Variants in NLRP8 observed in about 807,000 individuals in gnomAD.
NLRP8 encodes the protein NLR family pyrin domain containing 8, also known as NACHT, LRR and PYD domains-containing protein 8.
Under a neutral mutation model 88.7 loss-of-function variants are expected in NLRP8, and 86 were observed. The observed-to-expected ratio is 0.97, with a 90% CI of 0.81 to 1.16. NLRP8 has a LOEUF of 1.16. Ranked by LOEUF, NLRP8 falls within the 50% of genes most tolerant of loss-of-function variation. The pLI is 0.00. For synonymous variants in NLRP8, 504 were observed against 494.6 expected (o/e 1.02, Z -0.25); for missense variants, 1,342 against 1,286.5 (o/e 1.04, Z -0.66).
intron 7 of NLRP8, among the ~76,000 whole-genome samples, chr19:55,974,788 G>A (rs913809842): frequency 6.6e-6 from 1 of 151,512 alleles, no homozygotes; most frequent in Admixed American, 6.6e-5. Flanking sequence ...GGGGCTCGTG[G>A]CATGAATGTG....
At chr19:55,974,661 G>A (rs1047837855) in intron 7 of NLRP8, among the ~76,000 whole-genome samples, 5 of 151,448 alleles carry the variant, frequency 3.3e-5, no homozygotes, top group Non-Finnish European at 5.9e-5. Context: ...GCATGAACCC[G>A]GGAGGCAGAG....
intron 1 of NLRP8, among the ~76,000 whole-genome samples, chr19:55,950,106 A>G (rs1168558558): frequency 6.6e-6 from 1 of 151,924 alleles, no homozygotes; most frequent in Non-Finnish European, 1.5e-5. Flanking sequence ...ATTTATGAAA[A>G]CCTGATGAAA....
chr19:55,976,972 C>T (rs1186971582), intron 8 of NLRP8, among the ~76,000 whole-genome samples: 3 of 148,400 alleles, frequency 2.0e-5, no homozygotes, highest in South Asian at 2.1e-4. Context: ...CCCAGCTAAT[C>T]GGGAGGCTGA....
rs781739797 is a variant in NLRP8 at position 55,962,047 on chromosome 19, C to T, written c.2043-20C>T. ...CCAGTTTAACGAAGAGGTGTTTTCT[C>T]TCTTCTCCCTTCCATGTAGAGCGCC... On this transcript the variant is annotated intron_variant, in intron 3 of 9. Transcript: ENST00000291971. The T allele has an allele frequency of 8.1e-6, 13 of 1,608,408 alleles. No individual in the cohort carries two copies. The highest frequency in any genetic ancestry group is 1.1e-5 in the Non-Finnish European group (13 of 1,177,620).
Position 55,948,002 on chromosome 19 carries a change from G to C in NLRP8, c.100G>C (p.Gly34Arg). 1 of 1,613,872 alleles carries C rather than the reference G, an allele frequency of 6.2e-7. No individual in the cohort carries two copies. Among genetic ancestry groups the C allele is most frequent in the Non-Finnish European group, 8.5e-7 (1 of 1,180,006 alleles). Residue 34 changes from glycine to arginine, a missense_variant, in exon 1 of 10, where the codon GGC (glycine) becomes CGC (arginine). Transcript: ENST00000291971. ...GCCCTGGACATTCTCTTGCTACCCC[G>C]GCTCCCCATGTGAAAATGGGGTCAT... is the stretch of plus-strand genomic sequence containing the variant.
Position 55,954,870 on chromosome 19 carries a change from T to G in NLRP8, c.812T>G (p.Val271Gly). 1.2e-6 allele frequency: 2 copies of G among 1,614,170 alleles called. No individual in the cohort carries two copies. The highest frequency in any genetic ancestry group is 3.3e-5 in the Admixed American group (2 of 60,014). Residue 271 changes from valine (V) to glycine (G), a missense_variant, in exon 3 of 10, where the codon GTG becomes GGG. Coordinates refer to ENST00000291971, the MANE Select transcript of NLRP8 (RefSeq NM_176811.2). ...AAGTGGCCTGGATCTCAGGACCTCG[T>G]GTCAAAGATTATGTCCAAACCCGAC...
intron 3 of NLRP8, among the ~76,000 whole-genome samples, chr19:55,956,477 C>T (rs1180056168): frequency 6.6e-6 from 1 of 152,148 alleles, no homozygotes; most frequent in Non-Finnish European, 1.5e-5. Flanking sequence ...CTCCTGACCT[C>T]AGGTCATCCG....
chr19:55,966,166 G>A (rs766536748), intron 4 of NLRP8, 47 bp from the exon 5 acceptor site: 426 of 1,577,288 alleles, frequency 2.7e-4, no homozygotes, highest in Non-Finnish European at 3.3e-4. Context: ...AGAATTCTAC[G>A]ACTGTGGACG....
Position 55,976,136 on chromosome 19 carries a change from G to T in NLRP8, c.2709G>T (p.Leu903=). The stretch of plus-strand genomic sequence containing the variant: ...TTTAACCTGTGTTTCTTTGCAGACT[G>T]AGAAAGTGTGACTTGACCTTTAATT... The change falls in exon 8 of 10, where the codon CTG becomes CTT. Residue 903 remains leucine, a synonymous_variant. Transcript: ENST00000291971. 6.3e-7 allele frequency: 1 copy of T among 1,596,578 alleles called. No homozygotes were observed.
intron 5 of NLRP8, among the ~76,000 whole-genome samples, chr19:55,969,119 A>G (rs1008148443): frequency 2.6e-5 from 4 of 152,194 alleles, no homozygotes; most frequent in African/African-American, 7.2e-5. Context: ...GTTTGTTTAT[A>G]TTCATAGGTT....
In NLRP8 at chr19:55,970,659, G is replaced by C; in HGVS notation, c.2497G>C (p.Ala833Pro). 1 of 1,614,126 alleles carries C rather than the reference G, an allele frequency of 6.2e-7. No homozygotes were observed. Residue 833 changes from alanine (A) to proline (P), a missense_variant, in exon 6 of 10, where the codon GCG becomes CCG. Coordinates refer to ENST00000291971, the MANE Select transcript of NLRP8 (RefSeq NM_176811.2). ...AAAAAACTCCCTGGAGAACTGTGGGGCGTATTACCTGTCTGTGGCCCAGCT... is the reference window on the plus strand; with the variant it reads ...AAAAAACTCCCTGGAGAACTGTGGGCCGTATTACCTGTCTGTGGCCCAGCT...
intron 9 of NLRP8, among the ~76,000 whole-genome samples, chr19:55,981,902 G>GT (rs1405885270): frequency 2.8e-4 from 6 of 21,590 alleles, no homozygotes; most frequent in African/African-American, 1.1e-3. Context: ...GGTTTCTCTT[G>GT]TTTTTTGTTT....
rs868738937 is a variant in NLRP8 at position 55,962,965 on chromosome 19, A to G, written c.2213+728A>G. Among the ~76,000 whole-genome samples the G allele has an allele frequency of 5.2e-4, 79 of 152,224 alleles. 1 individual carries two copies. The highest frequency in any genetic ancestry group is 1.8e-3 in the African/African-American group (74 of 41,536). On this transcript the variant is annotated intron_variant, in intron 4 of 9. Transcript: ENST00000291971. ...TACAGAAGCCACGTGCGACCTGAGC[A>G]CTGAGTATGGTTCACCGCTGCATTC...
intron 3 of NLRP8, among the ~76,000 whole-genome samples, chr19:55,958,304 T>C (rs1015069016): frequency 2.6e-5 from 4 of 152,224 alleles, no homozygotes; most frequent in Non-Finnish European, 5.9e-5. Flanking sequence ...TGTGTAGCGC[T>C]AATGCTCATC....
chr19:55,952,271 A>G (rs2052080595), intron 1 of NLRP8, among the ~76,000 whole-genome samples: 1 of 152,128 alleles, frequency 6.6e-6, no homozygotes, highest in African/African-American at 2.4e-5. Context: ...TTTCTCCCTC[A>G]GTGTCTGGCT....
intron 6 of NLRP8, 95 bp downstream of exon 6, chr19:55,970,791 G>A: frequency 2.6e-6 from 4 of 1,518,120 alleles, no homozygotes; most frequent in African/African-American, 2.8e-5. Flanking sequence ...TCATAGGGAA[G>A]GTACATGTAT....
chr19:55,986,200 T>C (rs1980797545), intron 9 of NLRP8, among the ~76,000 whole-genome samples: 1 of 152,094 alleles, frequency 6.6e-6, no homozygotes, highest in Admixed American at 6.6e-5. Flanking sequence ...TATACAATTA[T>C]AATTTGTCAA....
Position 55,976,321 on chromosome 19 carries a change from T to C in NLRP8, c.2876+18T>C, listed in dbSNP as rs767875568. On this transcript the variant is annotated intron_variant, in intron 8 of 9. Coordinates refer to ENST00000291971, the MANE Select transcript of NLRP8 (RefSeq NM_176811.2). ...ATCCTGGAGTAAGTGGCCCCTCGTC[T>C]CCTCCTGTGAGACCAGGAGAATTGT... 6.4e-7 allele frequency: 1 copy of C among 1,571,352 alleles called. No homozygotes were observed. Among genetic ancestry groups the C allele is most frequent in the Admixed American group, 2.0e-5 (1 of 50,006 alleles).
intron 5 of NLRP8, 128 bp downstream of exon 5, chr19:55,966,508 A>C: frequency 4.2e-6 from 4 of 949,858 alleles, no homozygotes; most frequent in Non-Finnish European, 6.1e-6. Context: ...TTCAACTTTA[A>C]AAGTACAATT....
Sources: allele counts gnomAD v4.1 joint callset (sites outside exome capture counted in the v4.1 genomes callset), GRCh38; gene constraint gnomAD v4.1.1; transcripts MANE v1.5; gene names NCBI Gene and HGNC (gene_info 2026-07-23, HGNC 2026-07-21).